The following MYOZ3 variants were observed in gnomAD, a reference collection of about 807,000 sequenced individuals.
MYOZ3 encodes myozenin 3, also known as myozenin-3.
MYOZ3 carries 19 observed loss-of-function variants against 26.5 expected under a neutral mutation model. That is an observed-to-expected ratio of 0.72 (90% CI 0.50 to 1.05). The LOEUF is 1.05. Among genes scored for constraint, MYOZ3 ranks in the 50% least tolerant of loss-of-function variants. The probability of loss-of-function intolerance (pLI) is 0.00; values close to 1 mark genes in which losing one functional copy is unlikely to be tolerated. For synonymous variants in MYOZ3, 135 were observed against 138.8 expected, an observed-to-expected ratio of 0.97 and a Z score of 0.19; for missense variants, 322 against 337.1, an observed-to-expected ratio of 0.96 and a Z score of 0.35.
chr5:150,671,835 C>A lies in MYOZ3; in HGVS notation c.351C>A (p.Leu117=), dbSNP rs769650653. The change falls in exon 5 of 7, where the codon CTC becomes CTA. Residue 117 remains leucine, a synonymous_variant. Coordinates refer to ENST00000517768, the MANE Select transcript of MYOZ3 (RefSeq NM_001122853.3). ...TCCCGGCCTCACCCGGGGCCTCACT[C>A]GGGGGTCCCGAGGGCGCCCACCCTG... ...HIFPASPGAS[L]GGPEGAHPAA... 34 of 1,609,630 alleles carry A rather than the reference C, an allele frequency of 2.1e-5. No homozygotes were observed. In the African/African-American group the frequency reaches 3.3e-4, roughly 16 times the overall value.
At chr5:150,664,848 T>G (rs1201529810) in intron 2 of MYOZ3, among the ~76,000 whole-genome samples, 1 of 152,206 alleles carries the variant, frequency 6.6e-6, no homozygotes, top group Non-Finnish European at 1.5e-5. Context: ...AAAAATTTGT[T>G]TAATTCAGAC....
At chr5:150,676,606 A>G in intron 6 of MYOZ3, 101 bp from the exon 7 acceptor site, 1 of 1,149,654 alleles carries the variant, frequency 8.7e-7, no homozygotes, top group Non-Finnish European at 1.2e-6. Context: ...ACTGAGGCTC[A>G]GAGAGCGGCA....
intron 1 of MYOZ3, among the ~76,000 whole-genome samples, chr5:150,662,164 G>A (rs1235829739): frequency 3.3e-5 from 5 of 152,218 alleles, no homozygotes; most frequent in Non-Finnish European, 7.3e-5. Context: ...ACCCAGGTGG[G>A]TGGTCAGTCG....
In MYOZ3 at chr5:150,677,097, T is replaced by C. The variant is rs1759023347; in HGVS notation, c.*222T>C. 2.0e-6 allele frequency: 1 copy of C among 510,400 alleles called. No individual in the cohort carries two copies. The highest frequency in any genetic ancestry group is 1.9e-5 in the African/African-American group (1 of 52,370). The allele number at this position is 510,400 out of a possible 1,614,324, so 31.6% of individuals were successfully genotyped here. The stretch of plus-strand genomic sequence containing the variant: ...CCAGACAACTGGACTGTCCCAGACT[T>C]GCAGCATCAGAGTCTCCTGAGTCGA... On this transcript the variant is annotated 3_prime_UTR_variant, in exon 7 of 7. Coordinates refer to ENST00000517768, the MANE Select transcript of MYOZ3 (RefSeq NM_001122853.3).
intron 2 of MYOZ3, among the ~76,000 whole-genome samples, chr5:150,668,320 G>A (rs953088757): frequency 2.0e-5 from 3 of 152,198 alleles, no homozygotes; most frequent in Non-Finnish European, 4.4e-5. Flanking sequence ...TATAATAGTG[G>A]ATTTTCAGCC....
chr5:150,676,695 C>G lies in MYOZ3; in HGVS notation c.588-12C>G, dbSNP rs1286787334. ...CACACAGCCCACCTCTCCTGCTGCT[C>G]TCTTTCTCCAGGACCCCGGTGCCAT... is the stretch of plus-strand genomic sequence containing the variant. On this transcript the variant is annotated splice_polypyrimidine_tract_variant and intron_variant, in intron 6 of 6. Transcript: ENST00000517768. The G allele has an allele frequency of 6.2e-7, 1 of 1,612,164 alleles. No individual in the cohort carries two copies. Among genetic ancestry groups the G allele is most frequent in the African/African-American group, 1.3e-5 (1 of 74,892 alleles).
chr5:150,676,872 G>A lies in MYOZ3; in HGVS notation c.753G>A (p.Leu251=), dbSNP rs765610710. 2 of 1,609,238 alleles carry A rather than the reference G, an allele frequency of 1.2e-6. No homozygotes were observed. Among genetic ancestry groups the A allele is most frequent in the South Asian group, 1.1e-5 (1 of 91,038 alleles). ...GTAACCTCCCAGAGTCCGAGGAGCT[G>A]TAGCCCTAGCCTGAATCTTCAGTTC... ...WVRNLPESEE[L] is the part of the protein sequence containing the mutation. Residue 251 remains leucine (L), a synonymous_variant, in exon 7 of 7, where the codon CTG becomes CTA. Transcript: ENST00000517768.
chr5:150,664,372 C>A (rs1758778096), intron 2 of MYOZ3, among the ~76,000 whole-genome samples: 1 of 152,076 alleles, frequency 6.6e-6, no homozygotes, highest in Admixed American at 6.5e-5. Flanking sequence ...TCATTACAGA[C>A]CCCCAAATAT....
At chr5:150,673,240 A>G (rs1464384816) in intron 6 of MYOZ3, 1 of 152,274 alleles carries the variant, frequency 6.6e-6, no homozygotes, top group Non-Finnish European at 1.5e-5. Flanking sequence ...GGTTTATAGT[A>G]CCTGCTTCAT....
intron 2 of MYOZ3, among the ~76,000 whole-genome samples, chr5:150,665,324 T>C (rs1274437597): frequency 6.6e-6 from 1 of 152,130 alleles, no homozygotes; most frequent in Non-Finnish European, 1.5e-5. Context: ...CGAGCATGAA[T>C]TGCTCCACAG....
chr5:150,665,260 C>T (rs140624806), intron 2 of MYOZ3, among the ~76,000 whole-genome samples: 2 of 152,226 alleles, frequency 1.3e-5, no homozygotes, highest in African/African-American at 2.4e-5. Flanking sequence ...TACTGCTGAG[C>T]GAGGATGTGG....
At chr5:150,672,215 C>T (rs929079624) in intron 5 of MYOZ3, 125 bp from the exon 6 acceptor site, 1 of 1,408,070 alleles carries the variant, frequency 7.1e-7, no homozygotes, top group Non-Finnish European at 9.8e-7. Context: ...CCCATTCCCG[C>T]CGTCCTCTCC....
chr5:150,665,565 A>C (rs1237119512), intron 2 of MYOZ3, among the ~76,000 whole-genome samples: 1 of 152,188 alleles, frequency 6.6e-6, no homozygotes, highest in Non-Finnish European at 1.5e-5. Flanking sequence ...ATTCCTAGAA[A>C]TAGAAATACT....
chr5:150,669,101 T>G (rs943295198), intron 2 of MYOZ3: 1 of 152,042 alleles, frequency 6.6e-6, no homozygotes, highest in Admixed American at 6.6e-5. Flanking sequence ...AACAAAAATT[T>G]GTTCACTTGG....
At chr5:150,671,145 C>T (rs1374623616) in intron 3 of MYOZ3, among the ~76,000 whole-genome samples, 1 of 152,182 alleles carries the variant, frequency 6.6e-6, no homozygotes, top group Non-Finnish European at 1.5e-5. Flanking sequence ...GCTATTCCAT[C>T]CACCCTCCAC....
In MYOZ3 at chr5:150,677,788, G is replaced by A. The variant is rs1303291492; in HGVS notation, c.*913G>A. ...TAATTTTCCCTAAAGCATGCTTATT[G>A]ACAATTGAGGAACAAAGTGTTGTGG... On this transcript the variant is annotated 3_prime_UTR_variant, in exon 7 of 7. Coordinates refer to ENST00000517768, the MANE Select transcript of MYOZ3 (RefSeq NM_001122853.3). 6.6e-6 allele frequency: 1 copy of A among 152,200 alleles called. No homozygotes were observed. The highest frequency in any genetic ancestry group is 1.5e-5 in the Non-Finnish European group (1 of 68,060). The allele number at this position is 152,200 out of a possible 1,614,324, so 9.4% of individuals were successfully genotyped here. A position where few individuals can be genotyped will look rare whatever the true frequency, so the allele number is the denominator to read the frequency against.
intron 5 of MYOZ3, 152 bp downstream of exon 5, chr5:150,672,060 C>T: frequency 8.0e-7 from 1 of 1,255,916 alleles, no homozygotes; most frequent in Non-Finnish European, 1.1e-6. Flanking sequence ...AGACCACGAG[C>T]CGGAGGGGCG....
At chr5:150,673,543 T>A (rs1464551285) in intron 6 of MYOZ3, among the ~76,000 whole-genome samples, 1 of 152,138 alleles carries the variant, frequency 6.6e-6, no homozygotes, top group Non-Finnish European at 1.5e-5. Flanking sequence ...GGTTTCACTA[T>A]GTTGGCCGGG....
chr5:150,662,946 T>C lies in MYOZ3; in HGVS notation c.5T>C (p.Ile2Thr). 2 of 1,611,546 alleles carry C rather than the reference T, an allele frequency of 1.2e-6. No individual in the cohort carries two copies. The highest frequency in any genetic ancestry group is 1.7e-6 in the Non-Finnish European group (2 of 1,178,852). ...TGGGGGTCTCTCCTCCACAGGATGATCCCCAAGGAGCAGAAGGGGCCAGTG... is the reference window on the plus strand; with the variant it reads ...TGGGGGTCTCTCCTCCACAGGATGACCCCCAAGGAGCAGAAGGGGCCAGTG... The part of the protein sequence containing the change: M[I>T]PKEQKGPVMA... The change falls in exon 2 of 7, where the codon ATC becomes ACC. Residue 2 changes from isoleucine (I) to threonine (T), a missense_variant. Ile to Thr is a moderately conservative substitution (Grantham distance 89). Coordinates refer to ENST00000517768, the MANE Select transcript of MYOZ3 (RefSeq NM_001122853.3).
Sources: gnomAD v4.1 joint callset for allele counts (sites outside exome capture counted in the v4.1 genomes callset) on GRCh38, gnomAD v4.1.1 for gene constraint, MANE v1.5 for transcripts, NCBI Gene and HGNC (gene_info 2026-07-23, HGNC 2026-07-21) for gene names.